PCLO: variants seen among roughly 807,000 people sequenced by gnomAD.
PCLO encodes the protein piccolo presynaptic cytomatrix protein, also known as protein piccolo.
PCLO carries 82 observed loss-of-function variants against 427.5 expected under a neutral mutation model. That is an observed-to-expected ratio of 0.19 (90% CI 0.16 to 0.23). The LOEUF is 0.23. Ranked by LOEUF, PCLO falls within the 10% of genes least tolerant of loss-of-function variation. PCLO has a pLI of 1.00. For synonymous variants in PCLO, 2,357 were observed against 2,155.4 expected (o/e 1.09, Z -2.59); for missense variants, 6,239 against 6,115.9 (o/e 1.02, Z -0.67).
At chr7:82,760,555 G>A (rs1047334730) in intron 24 of PCLO, 84 bp downstream of exon 24, 5 of 842,498 alleles carry the variant, frequency 5.9e-6, no homozygotes, top group Non-Finnish European at 9.1e-6. Context: ...TGTATGATCA[G>A]TATATAAATA....
At chr7:82,957,717 A>G (rs1018367947) in intron 4 of PCLO, among the ~76,000 whole-genome samples, 1 of 152,234 alleles carries the variant, frequency 6.6e-6, no homozygotes, top group African/African-American at 2.4e-5. Flanking sequence ...ATTTATCTTC[A>G]GCATCTCATC....
At position 83,135,034 on chromosome 7, in the gene PCLO, T is replaced by C; in HGVS notation, c.2516A>G (p.Glu839Gly). 1 of 1,613,990 alleles carries C rather than the reference T, an allele frequency of 6.2e-7. No homozygotes were observed. Among genetic ancestry groups the C allele is most frequent in the Non-Finnish European group, 8.5e-7 (1 of 1,179,874 alleles). Residue 839 changes from glutamate to glycine, a missense_variant, in exon 3 of 25, where the codon GAG becomes GGG. Physicochemically the swap from Glu to Gly is moderately conservative, Grantham distance 98 (BLOSUM62 -2). This residue lies in a region of PCLO where 4,677 missense variants were observed against 4,468.4 expected (regional missense o/e 1.05). Coordinates refer to ENST00000333891, the MANE Select transcript of PCLO (RefSeq NM_033026.6). ...GTCAACTTGTTTTTGACCTTTGCTC[T>C]CTGAACTGGGACCAGGATGTGAAAT... is the stretch of plus-strand genomic sequence containing the variant. ...KIISHPGPSS[E>G]SKGQKQVDPV...
chr7:83,095,038 T>C (rs2116457336), intron 3 of PCLO, among the ~76,000 whole-genome samples: 1 of 152,258 alleles, frequency 6.6e-6, no homozygotes, highest in African/African-American at 2.4e-5. Flanking sequence ...TATATAGGAT[T>C]GGGGTTAATG....
Position 83,162,439 on chromosome 7 carries a change from C to A in PCLO, c.154G>T (p.Glu52Ter). 1 of 1,596,014 alleles carries A rather than the reference C, an allele frequency of 6.3e-7. No homozygotes were observed. Among genetic ancestry groups the A allele is most frequent in the East Asian group, 2.3e-5 (1 of 43,918 alleles). ...EADLSQLSEE[E>*]RRQIAAVMSR... ...ATGACAGCGGCGATCTGTCTCCTCT[C>A]CTCTTCGCTCAGCTGGCTCAAATCC... The change falls in exon 1 of 25, where the codon GAG becomes TAG. Residue 52 changes from glutamate (E) to a stop codon, truncating the protein, a stop_gained. Transcript: ENST00000333891. LOFTEE classifies it high-confidence loss of function.
At chr7:82,824,095 CT>C (rs1191112630) in intron 19 of PCLO, 140 bp downstream of exon 19, 1 of 558,978 alleles carries the variant, frequency 1.8e-6, no homozygotes, top group Non-Finnish European at 3.1e-6. Flanking sequence ...TGATTCCACT[CT>C]TTGCATGACA....
chr7:82,927,965 A>G (rs1794752449), intron 6 of PCLO, among the ~76,000 whole-genome samples: 1 of 152,212 alleles, frequency 6.6e-6, no homozygotes, highest in Non-Finnish European at 1.5e-5. Flanking sequence ...ATCATTAATT[A>G]AATTTGAGTC....
chr7:83,113,138 C>A (rs771729662), intron 3 of PCLO, among the ~76,000 whole-genome samples: 1 of 152,300 alleles, frequency 6.6e-6, no homozygotes, highest in South Asian at 2.1e-4. Context: ...ACTTCCTAAT[C>A]GTTACAGCAG....
At chr7:83,035,889 T>C (rs1212335515) in intron 3 of PCLO, among the ~76,000 whole-genome samples, 2 of 152,180 alleles carry the variant, frequency 1.3e-5, no homozygotes, top group African/African-American at 2.4e-5. Flanking sequence ...CCGTTTTTAT[T>C]ACACTACATT....
chr7:82,861,264 AT>A (rs1370157002), intron 10 of PCLO, among the ~76,000 whole-genome samples: 1 of 152,060 alleles, frequency 6.6e-6, no homozygotes, highest in Non-Finnish European at 1.5e-5. Context: ...AGGGATGAAG[AT>A]ATTTCATGCC....
intron 21 of PCLO, among the ~76,000 whole-genome samples, chr7:82,804,739 C>T (rs1791424374): frequency 6.6e-6 from 1 of 152,174 alleles, no homozygotes; most frequent in South Asian, 2.1e-4. Context: ...TTTATATTCA[C>T]TGAAATTTCA....
intron 3 of PCLO, among the ~76,000 whole-genome samples, chr7:83,113,178 A>G (rs7797486): frequency 0.52 from 78,401 of 151,946 alleles, 20,783 homozygotes; most frequent in African/African-American, 0.64. Context: ...TTATCATCAT[A>G]TCATTTTACA....
chr7:82,858,142 T>C (rs1044166315), intron 10 of PCLO, among the ~76,000 whole-genome samples: 22 of 152,100 alleles, frequency 1.4e-4, no homozygotes, highest in African/African-American at 5.1e-4. Flanking sequence ...GGATTTATCA[T>C]TGGGATGCAA....
intron 4 of PCLO, among the ~76,000 whole-genome samples, chr7:82,957,158 G>T (rs1795546344): frequency 6.6e-6 from 1 of 152,060 alleles, no homozygotes; most frequent in South Asian, 2.1e-4. Context: ...AATTCTCAAT[G>T]ATATTTGATC....
chr7:82,848,554 G>A (rs28565036), intron 10 of PCLO, among the ~76,000 whole-genome samples: 7,555 of 151,442 alleles, frequency 0.05, 604 homozygotes, highest in African/African-American at 0.17. Flanking sequence ...CAAATGATCC[G>A]CCTGCCTCAG....
In PCLO at chr7:82,760,806, A is replaced by G. The variant is rs752846206; in HGVS notation, c.15143-22T>C. On this transcript the variant is annotated intron_variant, in intron 23 of 24. Coordinates refer to ENST00000333891, the MANE Select transcript of PCLO (RefSeq NM_033026.6). ...AAATCTGAAAATAAGAATTCAGCCC[A>G]TTAAATTCCATCAATCATATAAATT... 7.3e-6 allele frequency: 9 copies of G among 1,229,552 alleles called. No homozygotes were observed. In the South Asian group the frequency reaches 1.2e-4, roughly 16 times the overall value. The allele number at this position is 1,229,552 out of a possible 1,614,324, so 76.2% of individuals were successfully genotyped here. A position where few individuals can be genotyped will look rare whatever the true frequency, so the allele number is the denominator to read the frequency against.
chr7:82,916,048 C>T lies in PCLO; in HGVS notation c.11938G>A (p.Val3980Met). ...ATCATAAGGGGTTGGTTGCGAATCA[C>T]TTCATAGTTTGAGGTTATCTTGGGC... ...LEPKITSNYE[V>M]IRNQPLMIAP... The change falls in exon 7 of 25, where the codon GTG becomes ATG. Residue 3980 changes from valine to methionine, a missense_variant. Transcript: ENST00000333891. The T allele has an allele frequency of 1.9e-6, 3 of 1,613,144 alleles. No homozygotes were observed. In the South Asian group the frequency reaches 3.3e-5, roughly 18 times the overall value.
At chr7:83,020,461 T>A (rs1788315306) in intron 3 of PCLO, among the ~76,000 whole-genome samples, 2 of 152,046 alleles carry the variant, frequency 1.3e-5, no homozygotes, top group Non-Finnish European at 2.9e-5. Flanking sequence ...AATGGGTTAG[T>A]GCCTTAGAAA....
intron 9 of PCLO, among the ~76,000 whole-genome samples, chr7:82,895,862 G>A (rs1409507359): frequency 4.0e-5 from 6 of 151,826 alleles, no homozygotes; most frequent in Non-Finnish European, 8.8e-5. Context: ...TGATTTCATT[G>A]GTGGATTCTA....
chr7:82,975,138 C>CA (rs1795989889), intron 3 of PCLO, among the ~76,000 whole-genome samples: 1 of 151,836 alleles, frequency 6.6e-6, no homozygotes, highest in East Asian at 1.9e-4. Context: ...TACATCAAAG[C>CA]AAAAAAACTT....
Sources: allele counts gnomAD v4.1 joint callset (sites outside exome capture counted in the v4.1 genomes callset), GRCh38; gene constraint gnomAD v4.1.1; regional missense constraint gnomAD v4.1.1; transcripts MANE v1.5; gene names NCBI Gene and HGNC (gene_info 2026-07-23, HGNC 2026-07-21).